The following PTPRD variants were observed in gnomAD, a reference collection of about 807,000 sequenced individuals.
The protein encoded by PTPRD is receptor-type tyrosine-protein phosphatase delta.
Under a neutral mutation model 214.5 loss-of-function variants are expected in PTPRD, and 34 were observed. That is an observed-to-expected ratio of 0.16 (90% CI 0.12 to 0.21). PTPRD has a LOEUF of 0.21. PTPRD is among the 10% of genes least tolerant of loss of function. The pLI is 1.00. For missense variants in PTPRD, 2,545 were observed against 2,398.7 expected (o/e 1.06, Z -1.27); for synonymous variants, 1,128 against 845.7 (o/e 1.33, Z -5.79).
intron 10 of PTPRD, among the ~76,000 whole-genome samples, chr9:9,107,358 G>T (rs868703044): frequency 2.1e-4 from 32 of 152,186 alleles, no homozygotes; most frequent in African/African-American, 7.7e-4. Flanking sequence ...TACCGAACAA[G>T]CTGCATGCTT....
intron 7 of PTPRD, among the ~76,000 whole-genome samples, chr9:9,633,642 C>T (rs565151276): frequency 7.6e-4 from 116 of 152,008 alleles, no homozygotes; most frequent in African/African-American, 2.5e-3. Context: ...TATTCATGTT[C>T]GAAGGAAAGT....
rs1310175507 is a variant in PTPRD at position 9,494,717 on chromosome 9, T to C, written c.-237+80015A>G. 2.6e-5 allele frequency among the ~76,000 whole-genome samples: 4 copies of C among 152,212 alleles called. No individual in the cohort carries two copies. The South Asian group carries it at 6.2e-4, about 24-fold the overall frequency. ...CATGTTAATGGATTGGAAAACTTCA[T>C]GTTAAAATGTCGATATGACCCAAAG... On this transcript the variant is annotated intron_variant, in intron 8 of 45. Coordinates refer to ENST00000381196, the MANE Select transcript of PTPRD (RefSeq NM_002839.4).
chr9:10,063,886 GTC>G lies in PTPRD; in HGVS notation c.-544-30098_-544-30097del, dbSNP rs1357610610. Among the ~76,000 whole-genome samples, 6 of 152,090 alleles carry G rather than the reference GTC, an allele frequency of 3.9e-5. No individual in the cohort carries two copies. The Middle Eastern group carries it at 0.01, about 259-fold the overall frequency. On this transcript the variant is annotated intron_variant, in intron 3 of 45. Coordinates refer to ENST00000381196, the MANE Select transcript of PTPRD (RefSeq NM_002839.4). ...CAGAATCTCTAGCTCCCAGTGGATA[GTC>G]CTCAAATTACAAAGTTCAAAGAGCA... is the stretch of plus-strand genomic sequence containing the variant.
intron 3 of PTPRD, among the ~76,000 whole-genome samples, chr9:10,097,896 G>GTA (rs2098508183): frequency 6.6e-6 from 1 of 151,768 alleles, no homozygotes; most frequent in African/African-American, 2.4e-5. Flanking sequence ...CTGTTGGCGA[G>GTA]ACTGCAAACT....
chr9:9,391,017 T>C (rs2065654573), intron 9 of PTPRD, among the ~76,000 whole-genome samples: 1 of 152,172 alleles, frequency 6.6e-6, no homozygotes, highest in Non-Finnish European at 1.5e-5. Context: ...GTGAGATGCA[T>C]TATTAAGTTG....
chr9:10,110,879 G>A (rs1345259116), intron 3 of PTPRD, among the ~76,000 whole-genome samples: 2 of 152,170 alleles, frequency 1.3e-5, no homozygotes, highest in Admixed American at 1.3e-4. Flanking sequence ...TTTTAAACTA[G>A]CTAAAGCTTA....
chr9:10,382,776 A>G (rs1037674743), intron 2 of PTPRD, among the ~76,000 whole-genome samples: 5 of 151,924 alleles, frequency 3.3e-5, no homozygotes, highest in African/African-American at 1.2e-4. Context: ...AAATAAATAT[A>G]ACGGCATTTG....
At chr9:9,637,804 G>C (rs112971742) in intron 7 of PTPRD, among the ~76,000 whole-genome samples, 2,566 of 152,242 alleles carry the variant, frequency 0.017, 66 homozygotes, top group African/African-American at 0.059. Context: ...TGCCCTAGTG[G>C]GGCACTGTGT....
In PTPRD at chr9:8,988,800, T is replaced by C. The variant is rs1403950003; in HGVS notation, c.-104+29897A>G. Among the ~76,000 whole-genome samples the C allele has an allele frequency of 2.0e-5, 3 of 152,212 alleles. No individual in the cohort carries two copies. In the East Asian group the frequency reaches 5.8e-4, roughly 29 times the overall value. ...GTTGTGGTGTTAGTTGGAAATTTAA[T>C]GTGCTTTTCTCTTGAAAACAAGGAG... On this transcript the variant is annotated intron_variant, in intron 11 of 45. Coordinates refer to ENST00000381196, the MANE Select transcript of PTPRD (RefSeq NM_002839.4).
intron 11 of PTPRD, among the ~76,000 whole-genome samples, chr9:8,847,216 G>A (rs559261384): frequency 1.4e-4 from 22 of 151,844 alleles, no homozygotes; most frequent in Non-Finnish European, 2.8e-4. Context: ...GGTCGAGTCT[G>A]TTAAATAGTA....
chr9:9,061,472 C>T (rs893744552), intron 10 of PTPRD, among the ~76,000 whole-genome samples: 2 of 152,118 alleles, frequency 1.3e-5, no homozygotes, highest in Non-Finnish European at 1.5e-5. Flanking sequence ...GATTCTTTAG[C>T]TTCAGAGCAG....
Position 9,505,876 on chromosome 9 carries a change from C to A in PTPRD, c.-237+68856G>T, listed in dbSNP as rs12338494. Reference sequence around the variant, plus strand: ...TCTAACATGGGACATTACAACACAACAATGGACTACAGTGACGGGACAATC... The same window carrying A: ...TCTAACATGGGACATTACAACACAAAAATGGACTACAGTGACGGGACAATC... On this transcript the variant is annotated intron_variant, in intron 8 of 45. Transcript: ENST00000381196. 3.3e-3 allele frequency among the ~76,000 whole-genome samples: 505 copies of A among 151,510 alleles called. 3 individuals are homozygous for A. The highest frequency in any genetic ancestry group is 0.011 in the African/African-American group (450 of 41,452).
intron 4 of PTPRD, among the ~76,000 whole-genome samples, chr9:9,955,898 T>A (rs2093888178): frequency 6.6e-6 from 1 of 152,174 alleles, no homozygotes; most frequent in Non-Finnish European, 1.5e-5. Context: ...AACTACATGT[T>A]CCTGAAACAG....
chr9:10,518,750 T>C (rs879293866), intron 2 of PTPRD, among the ~76,000 whole-genome samples: 55 of 152,204 alleles, frequency 3.6e-4, no homozygotes, highest in Admixed American at 7.2e-4. Flanking sequence ...GCCAAGATGG[T>C]CTTGATCTCC....
chr9:9,627,828 A>T (rs1319015748), intron 7 of PTPRD, among the ~76,000 whole-genome samples: 2 of 152,216 alleles, frequency 1.3e-5, no homozygotes, highest in Non-Finnish European at 2.9e-5. Flanking sequence ...AAATTCTATG[A>T]CTTGTTAGGT....
intron 3 of PTPRD, among the ~76,000 whole-genome samples, chr9:10,113,971 A>G (rs889126378): frequency 6.6e-6 from 1 of 152,188 alleles, no homozygotes; most frequent in Admixed American, 6.5e-5. Flanking sequence ...TGAAAATTCC[A>G]GTGTCTACTC....
intron 2 of PTPRD, among the ~76,000 whole-genome samples, chr9:10,442,346 C>T (rs927315606): frequency 6.6e-6 from 1 of 151,622 alleles, no homozygotes; most frequent in Non-Finnish European, 1.5e-5. Flanking sequence ...TTTAGTAGCA[C>T]TTGCTAATTT....
chr9:10,108,781 C>G (rs899306518), intron 3 of PTPRD, among the ~76,000 whole-genome samples: 2 of 151,732 alleles, frequency 1.3e-5, no homozygotes, highest in Admixed American at 6.6e-5. Flanking sequence ...ACTATTCATC[C>G]TTAAAAAAGA....
Position 8,523,650 on chromosome 9 carries a change from G to C in PTPRD, c.680-126C>G, listed in dbSNP as rs80169386. On this transcript the variant is annotated intron_variant, in intron 18 of 45. Coordinates refer to ENST00000381196, the MANE Select transcript of PTPRD (RefSeq NM_002839.4). ...AACTGCTACTTGAACATCTTTATTCGCTCTAGTTCATCCTTCCTATCTCAG... is the reference window on the plus strand; with the variant it reads ...AACTGCTACTTGAACATCTTTATTCCCTCTAGTTCATCCTTCCTATCTCAG... The C allele has an allele frequency of 1.0e-3, 970 of 973,806 alleles. 19 individuals carry two copies. The East Asian group carries it at 0.024, about 24-fold the overall frequency. The allele number at this position is 973,806 out of a possible 1,614,324, so 60.3% of individuals were successfully genotyped here.
Sources: gnomAD v4.1 joint callset for allele counts (sites outside exome capture counted in the v4.1 genomes callset) on GRCh38, gnomAD v4.1.1 for gene constraint, MANE v1.5 for transcripts, NCBI Gene and HGNC (gene_info 2026-07-23, HGNC 2026-07-21) for gene names.